Variants in ZNF277 observed in about 807,000 individuals in gnomAD.
ZNF277 encodes zinc finger protein 277, also known as nuclear receptor-interacting factor 4.
In ZNF277, 55 loss-of-function variants were observed where a neutral mutation model predicts 60.7. The ratio of observed to expected loss-of-function variants is 0.91; its 90% CI spans 0.73 to 1.13. ZNF277 has a LOEUF of 1.13. ZNF277 is among the 50% of genes most tolerant of loss of function. The probability of loss-of-function intolerance (pLI) is 0.00; values close to 1 mark genes in which losing one functional copy is unlikely to be tolerated. For missense variants in ZNF277, 510 were observed against 523.0 expected, an observed-to-expected ratio of 0.98 and a Z score of 0.24; for synonymous variants, 178 against 179.3, an observed-to-expected ratio of 0.99 and a Z score of 0.06.
intron 1 of ZNF277, among the ~76,000 whole-genome samples, chr7:112,242,424 C>T (rs1374599214): frequency 6.6e-6 from 1 of 151,648 alleles, no homozygotes; most frequent in Non-Finnish European, 1.5e-5. Flanking sequence ...CTAAAGATGC[C>T]TAGATTTTAT....
At chr7:112,274,896 C>T (rs1225029574) in intron 1 of ZNF277, among the ~76,000 whole-genome samples, 1 of 152,092 alleles carries the variant, frequency 6.6e-6, no homozygotes, top group Non-Finnish European at 1.5e-5. Flanking sequence ...CAGAGTTTAC[C>T]TTCCCTTCTT....
At chr7:112,292,554 C>G (rs946686163) in intron 2 of ZNF277, among the ~76,000 whole-genome samples, 1 of 152,168 alleles carries the variant, frequency 6.6e-6, no homozygotes, top group Non-Finnish European at 1.5e-5. Flanking sequence ...TCTATTACAA[C>G]TTTAATTATA....
chr7:112,336,020 G>C (rs2117139421), intron 7 of ZNF277, 84 bp from the exon 8 acceptor site: 4 of 1,144,716 alleles, frequency 3.5e-6, no homozygotes, highest in South Asian at 1.5e-5. Flanking sequence ...TTATTTTTTT[G>C]GTTTTGATTT....
chr7:112,251,590 A>T (rs1002921927), intron 1 of ZNF277, among the ~76,000 whole-genome samples: 1 of 152,224 alleles, frequency 6.6e-6, no homozygotes, highest in Non-Finnish European at 1.5e-5. Context: ...GAAGGATTCT[A>T]GATAGAATCA....
intron 4 of ZNF277, among the ~76,000 whole-genome samples, chr7:112,313,591 C>G (rs1249801150): frequency 6.6e-6 from 1 of 152,050 alleles, no homozygotes; most frequent in Non-Finnish European, 1.5e-5. Context: ...CTATGTATCT[C>G]TGTATATATT....
At chr7:112,246,954 A>T (rs148939171) in intron 1 of ZNF277, among the ~76,000 whole-genome samples, 17 of 152,304 alleles carry the variant, frequency 1.1e-4, no homozygotes, top group Admixed American at 3.3e-4. Flanking sequence ...ATGCCCTGCT[A>T]CCTGCTTTGA....
chr7:112,208,697 T>TC (rs1456725007), intron 1 of ZNF277, among the ~76,000 whole-genome samples: 1 of 139,880 alleles, frequency 7.1e-6, no homozygotes, highest in Non-Finnish European at 1.5e-5. Context: ...TTTTTTTTTT[T>TC]TGAGACGGAG....
At chr7:112,252,541 G>A (rs1316292119) in intron 1 of ZNF277, among the ~76,000 whole-genome samples, 2 of 152,050 alleles carry the variant, frequency 1.3e-5, no homozygotes, top group Non-Finnish European at 1.5e-5. Flanking sequence ...CCGTGATGTC[G>A]CTAGGATAAA....
At chr7:112,273,512 A>G (rs967575037) in intron 1 of ZNF277, among the ~76,000 whole-genome samples, 11 of 152,194 alleles carry the variant, frequency 7.2e-5, no homozygotes, top group Non-Finnish European at 1.2e-4. Flanking sequence ...AGTTAAAACC[A>G]GGTACTGTGA....
At chr7:112,330,286 T>C in intron 7 of ZNF277, 70 bp downstream of exon 7, 1 of 1,502,646 alleles carries the variant, frequency 6.7e-7, no homozygotes, top group Non-Finnish European at 9.1e-7. Context: ...GAGGACCAAC[T>C]AATATTTGAA....
intron 1 of ZNF277, among the ~76,000 whole-genome samples, chr7:112,264,325 C>T (rs1015707576): frequency 6.6e-6 from 1 of 152,008 alleles, no homozygotes; most frequent in Non-Finnish European, 1.5e-5. Flanking sequence ...ATAAGTAAAC[C>T]ACATTAAAAT....
chr7:112,337,854 T>C (rs1793363857), intron 9 of ZNF277, 28 bp downstream of exon 9: 1 of 1,576,448 alleles, frequency 6.3e-7, no homozygotes, highest in African/African-American at 1.3e-5. Flanking sequence ...ATTTGAATTT[T>C]GTTTTATTCT....
chr7:112,319,453 G>A lies in ZNF277; in HGVS notation c.557+1180G>A, dbSNP rs989874508. ...TCACTTAAATACAAGTTATGAAGTT[G>A]TAACCTCTAGGAACTGAGGATGATT... On this transcript the variant is annotated intron_variant, in intron 5 of 11. Transcript: ENST00000361822. 3.3e-5 allele frequency among the ~76,000 whole-genome samples: 5 copies of A among 151,808 alleles called. No homozygotes were observed. In the South Asian group the frequency reaches 6.2e-4, roughly 19 times the overall value.
intron 10 of ZNF277, among the ~76,000 whole-genome samples, chr7:112,340,455 C>T (rs1203745513): frequency 1.3e-5 from 2 of 152,198 alleles, no homozygotes; most frequent in Non-Finnish European, 2.9e-5. Context: ...TCTCACAGCT[C>T]AGCTCAGTCA....
At chr7:112,274,505 T>C (rs772098632) in intron 1 of ZNF277, among the ~76,000 whole-genome samples, 5 of 152,120 alleles carry the variant, frequency 3.3e-5, no homozygotes, top group Non-Finnish European at 7.4e-5. Context: ...ATCTGTTCCA[T>C]AAAAACAAAA....
In ZNF277 at chr7:112,342,830, A is replaced by G. The variant is rs1793471742; in HGVS notation, c.*101A>G. 1 of 959,142 alleles carries G rather than the reference A, an allele frequency of 1.0e-6. No homozygotes were observed. Among genetic ancestry groups the G allele is most frequent in the East Asian group, 3.0e-5 (1 of 32,982 alleles). 59.4% of individuals were successfully genotyped at this position (959,142 alleles called of 1,614,324 possible). ...GAACAATTTAAATTTGAACATCAAC[A>G]AAAGATTGGTCCTTGGTGAAATAAA... On this transcript the variant is annotated 3_prime_UTR_variant, in exon 12 of 12. Coordinates refer to ENST00000361822, the MANE Select transcript of ZNF277 (RefSeq NM_021994.3).
Position 112,232,807 on chromosome 7 carries a change from G to T in ZNF277, c.91+26000G>T, listed in dbSNP as rs142656877. Among the ~76,000 whole-genome samples the T allele has an allele frequency of 5.6e-3, 853 of 152,270 alleles. 12 individuals are homozygous for T. Among genetic ancestry groups the T allele is most frequent in the East Asian group, 0.039 (201 of 5,182 alleles). On this transcript the variant is annotated intron_variant, in intron 1 of 11. Transcript: ENST00000361822. ...AGTGGAGTACTTTGTACTCTTCAGA[G>T]TGATGGCCAGTAATTCCAAAAGCCT...
rs1339755864 is a variant in ZNF277, at chr7:112,318,412, T to TA, written c.557+140dup. 4.9e-5 allele frequency: 32 copies of TA among 656,852 alleles called. No homozygotes were observed. In the Admixed American group the frequency reaches 5.3e-4, roughly 11 times the overall value. 40.7% of individuals were successfully genotyped at this position (656,852 alleles called of 1,614,324 possible). ...GTATATAAGCAGTCCTTTTTAAAAA[T>TA]ATACCCAACGTCCAAGATGAACTGT... is the stretch of plus-strand genomic sequence containing the variant. On this transcript the variant is annotated intron_variant, in intron 5 of 11. Transcript: ENST00000361822.
chr7:112,215,272 A>G lies in ZNF277; in HGVS notation c.91+8465A>G, dbSNP rs1008366717. Among the ~76,000 whole-genome samples, 6 of 152,364 alleles carry G rather than the reference A, an allele frequency of 3.9e-5. No homozygotes were observed. The East Asian group carries it at 1.2e-3, about 29-fold the overall frequency. On this transcript the variant is annotated intron_variant, in intron 1 of 11. Transcript: ENST00000361822. ...TGGATGTAACTTTAAAATGATTACA[A>G]ACTAATCAAAGAACATTAAAGCTGG...
Sources: gnomAD v4.1 joint callset for allele counts (sites outside exome capture counted in the v4.1 genomes callset) on GRCh38, gnomAD v4.1.1 for gene constraint, MANE v1.5 for transcripts, NCBI Gene and HGNC (gene_info 2026-07-23, HGNC 2026-07-21) for gene names.